Variants in PLXNA4 observed in about 807,000 individuals in gnomAD.
The protein encoded by PLXNA4 is plexin-A4.
Under a neutral mutation model 191.8 loss-of-function variants are expected in PLXNA4, and 44 were observed. The ratio of observed to expected loss-of-function variants is 0.23; its 90% CI spans 0.18 to 0.29. The LOEUF is 0.29. PLXNA4 is among the 10% of genes least tolerant of loss of function. The pLI, the probability that PLXNA4 is intolerant of heterozygous loss-of-function variation, is 1.00. For missense variants in PLXNA4, 1,800 were observed against 2,488.8 expected (o/e 0.72, Z 5.89); for synonymous variants, 1,082 against 1,009.5 (o/e 1.07, Z -1.36).
intron 17 of PLXNA4, among the ~76,000 whole-genome samples, 156 bp downstream of exon 17, chr7:132,181,941 C>T (rs1796720809): frequency 6.6e-6 from 1 of 152,206 alleles, no homozygotes. Flanking sequence ...TATGTCTTCC[C>T]CCCTATTCCA....
intron 4 of PLXNA4, among the ~76,000 whole-genome samples, chr7:132,247,777 G>T (rs1799110507): frequency 6.6e-6 from 1 of 152,178 alleles, no homozygotes; most frequent in Non-Finnish European, 1.5e-5. Context: ...GCTGCAATTT[G>T]TGGTTGAGCA....
At chr7:132,522,495 G>A (rs13233802) in intron 1 of PLXNA4, among the ~76,000 whole-genome samples, 9 of 152,192 alleles carry the variant, frequency 5.9e-5, no homozygotes, top group Non-Finnish European at 1.2e-4. Flanking sequence ...CTGGCTGGGT[G>A]TGTTGACTCA....
intron 3 of PLXNA4, among the ~76,000 whole-genome samples, chr7:132,410,414 T>G (rs1000582936): frequency 3.3e-5 from 5 of 152,174 alleles, no homozygotes; most frequent in Non-Finnish European, 5.9e-5. Context: ...CACAGAGATG[T>G]GAAGCTGCCT....
At chr7:132,159,015 G>A (rs1344759891) in intron 25 of PLXNA4, among the ~76,000 whole-genome samples, 3 of 152,172 alleles carry the variant, frequency 2.0e-5, no homozygotes, top group African/African-American at 7.2e-5. Flanking sequence ...CCCTCAAGCT[G>A]TAGGTATTCA....
chr7:132,311,428 T>C (rs1009319880), intron 3 of PLXNA4, among the ~76,000 whole-genome samples: 2 of 152,148 alleles, frequency 1.3e-5, no homozygotes, highest in African/African-American at 4.8e-5. Flanking sequence ...TAGGAGCTTC[T>C]TGAGTGCAGG....
chr7:132,428,525 A>C (rs542770192), intron 3 of PLXNA4, among the ~76,000 whole-genome samples: 39 of 152,302 alleles, frequency 2.6e-4, no homozygotes, highest in African/African-American at 9.4e-4. Context: ...AGGGCCCGAG[A>C]GCAGGCGGGA....
chr7:132,179,710 C>T lies in PLXNA4; in HGVS notation c.3851G>A (p.Arg1284His), dbSNP rs1284501625. 9 of 1,613,856 alleles carry T rather than the reference C, an allele frequency of 5.6e-6. No individual in the cohort carries two copies. Among genetic ancestry groups the T allele is most frequent in the African/African-American group, 1.3e-5 (1 of 75,054 alleles). The change falls in exon 20 of 32, where the codon CGT becomes CAT. Residue 1284 changes from arginine (R) to histidine (H), a missense_variant. Physicochemically the swap from Arg to His is conservative, Grantham distance 29. This residue lies in a region of PLXNA4 where 1,397 missense variants were observed against 1,880.4 expected (regional missense o/e 0.74). Coordinates refer to ENST00000321063, the MANE Select transcript of PLXNA4 (RefSeq NM_020911.2). Reference protein sequence around the residue: ...LQMQMDNLESRVALECKEAFA... With the variant: ...LQMQMDNLESHVALECKEAFA... Reference sequence around the variant, plus strand: ...ACCTTCCTTGCACTCCAGGGCCACACGGGACTCCAGGTTGTCCATCTGCAT... The same window carrying T: ...ACCTTCCTTGCACTCCAGGGCCACATGGGACTCCAGGTTGTCCATCTGCAT...
At chr7:132,633,873 G>A (rs1416918323) in intron 2 of PLXNA4, among the ~76,000 whole-genome samples, 1 of 151,910 alleles carries the variant, frequency 6.6e-6, no homozygotes, top group Non-Finnish European at 1.5e-5. Context: ...CTTCTCCCTT[G>A]TCACCCAAGG....
intron 3 of PLXNA4, among the ~76,000 whole-genome samples, chr7:132,375,324 A>G (rs1804617204): frequency 6.7e-6 from 1 of 150,006 alleles, no homozygotes; most frequent in Admixed American, 6.6e-5. Context: ...TTGGGACAAC[A>G]TCATTAAATT....
chr7:132,181,104 G>A (rs1038083693), intron 18 of PLXNA4, among the ~76,000 whole-genome samples: 2 of 152,196 alleles, frequency 1.3e-5, no homozygotes, highest in South Asian at 2.1e-4. Context: ...AGGAAGCAGT[G>A]AGCCTGACCT....
intron 4 of PLXNA4, among the ~76,000 whole-genome samples, chr7:132,259,482 G>GAAAAAAAAAAA (rs1414792493): frequency 1.3e-4 from 15 of 111,346 alleles, no homozygotes; most frequent in African/African-American, 1.8e-4. Context: ...AAGAAAAAAG[G>GAAAAAAAAAAA]AAAAAAGAAA....
At chr7:132,637,419 C>T (rs908839197) in intron 2 of PLXNA4, among the ~76,000 whole-genome samples, 5 of 152,116 alleles carry the variant, frequency 3.3e-5, no homozygotes, top group African/African-American at 7.2e-5. Flanking sequence ...TCCTTGGTTG[C>T]CTTGAGCACA....
chr7:132,355,468 C>T (rs1803660343), intron 3 of PLXNA4, among the ~76,000 whole-genome samples: 1 of 152,212 alleles, frequency 6.6e-6, no homozygotes, highest in South Asian at 2.1e-4. Flanking sequence ...GCCCCACTGG[C>T]TGTGAGCAAA....
intron 9 of PLXNA4, among the ~76,000 whole-genome samples, chr7:132,215,981 G>T (rs1458315178): frequency 6.6e-6 from 1 of 152,232 alleles, no homozygotes; most frequent in Non-Finnish European, 1.5e-5. Context: ...GGAGGGGATT[G>T]TGGGAGCCCC....
chr7:132,236,521 T>G (rs1302248797), intron 5 of PLXNA4, among the ~76,000 whole-genome samples: 1 of 152,048 alleles, frequency 6.6e-6, no homozygotes, highest in Non-Finnish European at 1.5e-5. Flanking sequence ...TGGCACAGGG[T>G]CTTGCCCATG....
Position 132,132,405 on chromosome 7 carries a change from C to CTGTTCTGTTCTGTTCTGT in PLXNA4, c.5589+626_5589+643dup, listed in dbSNP as rs1563047876. 1.3e-3 allele frequency among the ~76,000 whole-genome samples: 40 copies of CTGTTCTGTTCTGTTCTGT among 30,804 alleles called. 1 individual carries two copies. The highest frequency in any genetic ancestry group is 6.0e-3 in the African/African-American group (38 of 6,324). The allele number at this position is 30,804 out of a possible 152,430, so 20.2% of individuals were successfully genotyped here. A position where few individuals can be genotyped will look rare whatever the true frequency, so the allele number is the denominator to read the frequency against. On this transcript the variant is annotated intron_variant, in intron 31 of 31. Transcript: ENST00000321063. ...TTGTTCTGTTCTGTTCTGTTCTGTT[C>CTGTTCTGTTCTGTTCTGT]TGTTCTGTTCTGTTCTGTTCTGTTC...
At chr7:132,296,196 C>T (rs1413132694) in intron 4 of PLXNA4, among the ~76,000 whole-genome samples, 1 of 152,168 alleles carries the variant, frequency 6.6e-6, no homozygotes, top group Non-Finnish European at 1.5e-5. Flanking sequence ...TGGCTCTATT[C>T]ATTCCTGCCT....
At chr7:132,439,166 G>T (rs1340283220) in intron 3 of PLXNA4, among the ~76,000 whole-genome samples, 1 of 152,150 alleles carries the variant, frequency 6.6e-6, no homozygotes. Flanking sequence ...AGATCCAGCT[G>T]CCCTGACACT....
chr7:132,255,512 T>G (rs1007011925), intron 4 of PLXNA4, among the ~76,000 whole-genome samples: 21 of 152,222 alleles, frequency 1.4e-4, no homozygotes, highest in Non-Finnish European at 8.8e-5. Context: ...TAATGCAAAG[T>G]TCAATTTTAA....
Sources: allele counts gnomAD v4.1 joint callset (sites outside exome capture counted in the v4.1 genomes callset), GRCh38; gene constraint gnomAD v4.1.1; regional missense constraint gnomAD v4.1.1; transcripts MANE v1.5; gene names NCBI Gene and HGNC (gene_info 2026-07-23, HGNC 2026-07-21).